The following LCA5 variants were observed in gnomAD, a reference collection of about 807,000 sequenced individuals.
The protein encoded by LCA5 is lebercilin LCA5.
A neutral mutation model predicts 53.0 loss-of-function variants in LCA5; 37 were observed. The ratio of observed to expected loss-of-function variants is 0.70; its 90% CI spans 0.54 to 0.92. LCA5 has a LOEUF of 0.92. Among genes scored for constraint, LCA5 ranks in the 40% least tolerant of loss-of-function variants. LCA5 has a pLI of 0.00. For synonymous variants in LCA5, 303 were observed against 282.9 expected, an observed-to-expected ratio of 1.07 and a Z score of -0.71; for missense variants, 806 against 790.5, an observed-to-expected ratio of 1.02 and a Z score of -0.23.
intron 3 of LCA5, among the ~76,000 whole-genome samples, chr6:79,507,332 A>G (rs1020153339): frequency 1.3e-5 from 2 of 152,164 alleles, no homozygotes; most frequent in African/African-American, 2.4e-5. Flanking sequence ...TAAGTGAATT[A>G]AGACAAATTT....
At chr6:79,533,662 A>T (rs1188721927) in intron 1 of LCA5, among the ~76,000 whole-genome samples, 1 of 151,820 alleles carries the variant, frequency 6.6e-6, no homozygotes, top group Non-Finnish European at 1.5e-5. Flanking sequence ...TAACCTAAAG[A>T]TCCTCGAGTG....
chr6:79,522,170 T>C (rs1417689108), intron 1 of LCA5, among the ~76,000 whole-genome samples: 1 of 152,002 alleles, frequency 6.6e-6, no homozygotes, highest in Non-Finnish European at 1.5e-5. Flanking sequence ...TAACAAAATA[T>C]TAGATGGGGG....
chr6:79,511,681 T>C (rs1217293182), intron 3 of LCA5, among the ~76,000 whole-genome samples: 1 of 152,132 alleles, frequency 6.6e-6, no homozygotes, highest in Non-Finnish European at 1.5e-5. Flanking sequence ...TGTAATATTA[T>C]AGTTACACTA....
At chr6:79,525,351 A>G (rs1481371124) in intron 1 of LCA5, 33 of 152,244 alleles carry the variant, frequency 2.2e-4, no homozygotes, top group Admixed American at 2.2e-3. Flanking sequence ...AGCTGGACCA[A>G]TTCCTAGGAC....
At chr6:79,503,332 C>G (rs1770192807) in intron 3 of LCA5, among the ~76,000 whole-genome samples, 1 of 152,134 alleles carries the variant, frequency 6.6e-6, no homozygotes. Flanking sequence ...TTTCTGAAGT[C>G]CCCTTTGTAA....
chr6:79,508,284 T>C (rs1770322082), intron 3 of LCA5, among the ~76,000 whole-genome samples: 1 of 152,306 alleles, frequency 6.6e-6, no homozygotes, highest in East Asian at 1.9e-4. Flanking sequence ...TAGATACCTT[T>C]GGCTGTTTGC....
At chr6:79,505,842 A>G (rs1023750782) in intron 3 of LCA5, among the ~76,000 whole-genome samples, 1 of 152,180 alleles carries the variant, frequency 6.6e-6, no homozygotes. Flanking sequence ...TACCTGGCCC[A>G]ATACTAGACA....
At position 79,487,178 on chromosome 6, in the gene LCA5, G is replaced by A. The variant is rs1372071881; in HGVS notation, c.1920C>T (p.Leu640=). ...GATCTCTGCTGCCTTTATTCCCAGG[G>A]AGAAAATTTAGAGGGTCAATGTCTC... ...SKGDIDPLNF[L]PGNKGSRDQE... is the part of the protein sequence containing the mutation. Residue 640 remains leucine, a synonymous_variant, in exon 8 of 8, where the codon CTC becomes CTT. Transcript: ENST00000369846. 3.1e-6 allele frequency: 5 copies of A among 1,613,888 alleles called. No individual in the cohort carries two copies. Among genetic ancestry groups the A allele is most frequent in the Middle Eastern group, 1.6e-4 (1 of 6,084 alleles).
chr6:79,495,010 T>C (rs1381267294), intron 3 of LCA5, among the ~76,000 whole-genome samples: 1 of 152,214 alleles, frequency 6.6e-6, no homozygotes, highest in Non-Finnish European at 1.5e-5. Flanking sequence ...GGCTGCAGAC[T>C]GCTATTGGTC....
Position 79,491,441 on chromosome 6 carries a change from G to A in LCA5, c.1098+147C>T, listed in dbSNP as rs956627460. The A allele has an allele frequency of 7.4e-6, 6 of 809,644 alleles. No individual in the cohort carries two copies. In the Middle Eastern group the frequency reaches 1.4e-3, roughly 195 times the overall value. The allele number at this position is 809,644 out of a possible 1,614,324, so 50.2% of individuals were successfully genotyped here. On this transcript the variant is annotated intron_variant, in intron 6 of 7. Transcript: ENST00000369846. ...GCCAAAGGAATTTTACAAAATACACGATACCTCTTTCCCTTCAAAAAGGCT... is the reference window on the plus strand; with the variant it reads ...GCCAAAGGAATTTTACAAAATACACAATACCTCTTTCCCTTCAAAAAGGCT...
At position 79,492,616 on chromosome 6, in the gene LCA5, A is replaced by C. The variant is rs1480009434; in HGVS notation, c.890T>G (p.Ile297Arg). The C allele has an allele frequency of 6.4e-7, 1 of 1,555,540 alleles. No individual in the cohort carries two copies. The highest frequency in any genetic ancestry group is 8.8e-7 in the Non-Finnish European group (1 of 1,133,898). The change falls in exon 5 of 8, where the codon ATA (isoleucine) becomes AGA (arginine). Residue 297 changes from isoleucine to arginine, a missense_variant. By Grantham distance (97) the Ile-to-Arg change is moderately conservative (BLOSUM62 -3). Transcript: ENST00000369846. ...EKERELDIKN[I>R]YSNRLPKSSP... ...GGACTTTGGCAGACGATTAGAATAT[A>C]TATTTTTTATATCCAGTTCTCTCTC...
At chr6:79,533,671 T>C (rs890595403) in intron 1 of LCA5, among the ~76,000 whole-genome samples, 2 of 147,920 alleles carry the variant, frequency 1.4e-5, no homozygotes, top group African/African-American at 2.5e-5. Context: ...GATCCTCGAG[T>C]GCCAGAAGTT....
intron 2 of LCA5, among the ~76,000 whole-genome samples, chr6:79,518,275 G>A (rs1766503611): frequency 6.6e-6 from 1 of 151,986 alleles, no homozygotes. Context: ...AGTAAATACT[G>A]TATTACCTAC....
chr6:79,537,942 G>A (rs937230439), upstream of LCA5, among the ~76,000 whole-genome samples: 1 of 147,972 alleles, frequency 6.8e-6, no homozygotes, highest in Non-Finnish European at 1.5e-5. Flanking sequence ...AACGAGCCGT[G>A]AGTTTGGCTT....
intron 1 of LCA5, among the ~76,000 whole-genome samples, chr6:79,534,409 G>A (rs993168353): frequency 3.9e-5 from 6 of 151,984 alleles, no homozygotes; most frequent in Non-Finnish European, 5.9e-5. Context: ...ATCCTAAGAT[G>A]TTCATTCATT....
chr6:79,511,932 C>T (rs556683325), intron 3 of LCA5, among the ~76,000 whole-genome samples: 3 of 152,088 alleles, frequency 2.0e-5, no homozygotes, highest in Non-Finnish European at 4.4e-5. Context: ...TCTCCACCAC[C>T]TGTCAATCCC....
intron 2 of LCA5, among the ~76,000 whole-genome samples, chr6:79,514,833 G>C (rs1466832526): frequency 1.3e-5 from 2 of 152,002 alleles, no homozygotes; most frequent in Admixed American, 6.6e-5. Context: ...ACATACAGAG[G>C]GGAACAAAAC....
In LCA5 at chr6:79,491,110, G is replaced by C. The variant is rs564238158; in HGVS notation, c.1098+478C>G. Among the ~76,000 whole-genome samples the C allele has an allele frequency of 5.9e-5, 9 of 151,728 alleles. No homozygotes were observed. In the East Asian group the frequency reaches 1.7e-3, roughly 29 times the overall value. Reference sequence around the variant, plus strand: ...AATCATTTGAAAACTACTATTACTTGCTACTAAAGATAAAAGTACTGAGGG... The same window carrying C: ...AATCATTTGAAAACTACTATTACTTCCTACTAAAGATAAAAGTACTGAGGG... On this transcript the variant is annotated intron_variant, in intron 6 of 7. Transcript: ENST00000369846.
intron 4 of LCA5, 110 bp downstream of exon 4, chr6:79,493,502 TA>T: frequency 2.0e-6 from 2 of 1,017,426 alleles, no homozygotes; most frequent in Non-Finnish European, 2.9e-6. Flanking sequence ...CAGAATTTTG[TA>T]AATTATATTG....
Sources: allele counts gnomAD v4.1 joint callset (sites outside exome capture counted in the v4.1 genomes callset), GRCh38; gene constraint gnomAD v4.1.1; transcripts MANE v1.5; gene names NCBI Gene and HGNC (gene_info 2026-07-23, HGNC 2026-07-21).